TIMP3: variants seen among roughly 807,000 people sequenced by gnomAD.
TIMP3 encodes TIMP metallopeptidase inhibitor 3.
TIMP3 carries 11 observed loss-of-function variants against 30.0 expected under a neutral mutation model. That is an observed-to-expected ratio of 0.37 (90% CI 0.23 to 0.61). The LOEUF is 0.61. Among genes scored for constraint, TIMP3 ranks in the 20% least tolerant of loss-of-function variants. TIMP3 has a pLI of 0.70. For synonymous variants in TIMP3, 112 were observed against 111.3 expected (o/e 1.01, Z -0.04); for missense variants, 181 against 276.8 (o/e 0.65, Z 2.45).
At chr22:32,840,278 C>T (rs1299575822) in intron 1 of TIMP3, among the ~76,000 whole-genome samples, 7 of 152,214 alleles carry the variant, frequency 4.6e-5, no homozygotes, top group East Asian at 3.9e-4. Context: ...TTTTACTTAA[C>T]GGAAAGAGTT....
chr22:32,826,247 G>A (rs2047408676), intron 1 of TIMP3, among the ~76,000 whole-genome samples: 1 of 152,142 alleles, frequency 6.6e-6, no homozygotes, highest in Non-Finnish European at 1.5e-5. Flanking sequence ...TGGTCAACAT[G>A]GTGAAACTCC....
In TIMP3 at chr22:32,838,263, G is replaced by C. The variant is rs188556175; in HGVS notation, c.122-11189G>C. 5.8e-4 allele frequency among the ~76,000 whole-genome samples: 88 copies of C among 152,192 alleles called. 1 individual carries two copies. The East Asian group carries it at 0.014, about 24-fold the overall frequency. On this transcript the variant is annotated intron_variant, in intron 1 of 4. Transcript: ENST00000266085. Reference sequence around the variant, plus strand: ...AGTGGACTTGAGGAGAAGGAGGGGGGGTGGCAAAATAAAACAAACAATAAA... The same window carrying C: ...AGTGGACTTGAGGAGAAGGAGGGGGCGTGGCAAAATAAAACAAACAATAAA...
At chr22:32,835,269 A>G (rs573686645) in intron 1 of TIMP3, among the ~76,000 whole-genome samples, 7 of 152,306 alleles carry the variant, frequency 4.6e-5, no homozygotes, top group African/African-American at 1.7e-4. Context: ...AGCACCTACT[A>G]TGTTCCAGAC....
chr22:32,856,064 A>G (rs2048354701), intron 2 of TIMP3, among the ~76,000 whole-genome samples: 1 of 152,232 alleles, frequency 6.6e-6, no homozygotes, highest in South Asian at 2.1e-4. Flanking sequence ...ATTTCTATAA[A>G]GTGGGGTTTG....
intron 1 of TIMP3, among the ~76,000 whole-genome samples, chr22:32,839,910 G>A (rs999845023): frequency 6.6e-6 from 1 of 151,908 alleles, no homozygotes; most frequent in African/African-American, 2.4e-5. Context: ...GTCAGCAGGG[G>A]CCCTGAGTTT....
intron 1 of TIMP3, among the ~76,000 whole-genome samples, chr22:32,830,620 G>A (rs2047544132): frequency 6.6e-6 from 1 of 152,174 alleles, no homozygotes; most frequent in African/African-American, 2.4e-5. Flanking sequence ...GCGAGTTAAA[G>A]GAATTCTCGT....
intron 2 of TIMP3, among the ~76,000 whole-genome samples, chr22:32,852,843 A>G (rs915604582): frequency 1.3e-5 from 2 of 152,300 alleles, no homozygotes; most frequent in East Asian, 1.9e-4. Flanking sequence ...AAGTTTCCAG[A>G]ACTGGCTGCT....
In TIMP3 at chr22:32,818,164, C is replaced by G. The variant is rs1431187967; in HGVS notation, c.121+16042C>G. Among the ~76,000 whole-genome samples the G allele has an allele frequency of 2.6e-5, 4 of 152,216 alleles. No individual in the cohort carries two copies. In the East Asian group the frequency reaches 7.7e-4, roughly 29 times the overall value. Reference sequence around the variant, plus strand: ...TGAAATTGTCTGAAAATTAATGGCACTGCCAGTTCAGTGGCTGCTCAGAGC... The same window carrying G: ...TGAAATTGTCTGAAAATTAATGGCAGTGCCAGTTCAGTGGCTGCTCAGAGC... On this transcript the variant is annotated intron_variant, in intron 1 of 4. Coordinates refer to ENST00000266085, the MANE Select transcript of TIMP3 (RefSeq NM_000362.5).
rs1410960127 is a variant in TIMP3 at position 32,837,388 on chromosome 22, C to T, written c.122-12064C>T. On this transcript the variant is annotated intron_variant, in intron 1 of 4. Transcript: ENST00000266085. This position sits in a 1 kb window ranked among gnomAD's most constrained non-coding sequence, Gnocchi z 4.1. ...GCAGTAAGCAAGTCGGCGCCTCTGA[C>T]CCCTGAGTGGGCTTGAGCTTTTGAG... Among the ~76,000 whole-genome samples, 1 of 145,734 alleles carries T rather than the reference C, an allele frequency of 6.9e-6. No individual in the cohort carries two copies. The highest frequency in any genetic ancestry group is 2.7e-5 in the African/African-American group (1 of 37,202).
intron 1 of TIMP3, among the ~76,000 whole-genome samples, chr22:32,829,687 G>A (rs576669911): frequency 2.6e-5 from 4 of 152,358 alleles, no homozygotes; most frequent in East Asian, 3.9e-4. Flanking sequence ...GCCGGTCCCC[G>A]GGCACTGACC....
chr22:32,862,177 C>T lies in TIMP3; in HGVS notation c.*2800C>T, dbSNP rs569575596. 1.2e-4 allele frequency: 19 copies of T among 152,430 alleles called. 1 individual carries two copies. In the South Asian group the frequency reaches 3.9e-3, roughly 32 times the overall value. 9.4% of individuals were successfully genotyped at this position (152,430 alleles called of 1,614,324 possible). On this transcript the variant is annotated 3_prime_UTR_variant, in exon 5 of 5. Transcript: ENST00000266085. ...GTCTACCATTTACTTCACCCCAAGT[C>T]CTGCTGCCCATCCAGTTGGGAAGCC...
At chr22:32,838,195 A>C (rs949759859) in intron 1 of TIMP3, among the ~76,000 whole-genome samples, 2 of 152,232 alleles carry the variant, frequency 1.3e-5, no homozygotes, top group African/African-American at 4.8e-5. Context: ...AGTTCCTCAA[A>C]TACTTCTGAA....
rs2048475705 is a variant in TIMP3, at chr22:32,859,472, T to A, written c.*95T>A. 7.0e-7 allele frequency: 1 copy of A among 1,435,744 alleles called. No homozygotes were observed. The highest frequency in any genetic ancestry group is 1.4e-5 in the African/African-American group (1 of 70,512). The allele number at this position is 1,435,744 out of a possible 1,614,324, so 88.9% of individuals were successfully genotyped here. The stretch of plus-strand genomic sequence containing the variant: ...AGATGATGACAATGAAATTAGTGCC[T>A]GTTTTCTTGCAAATTTAGCACTTGG... On this transcript the variant is annotated 3_prime_UTR_variant, in exon 5 of 5. Transcript: ENST00000266085.
chr22:32,811,428 C>T (rs1261740681), intron 1 of TIMP3, among the ~76,000 whole-genome samples: 2 of 152,108 alleles, frequency 1.3e-5, no homozygotes, highest in Non-Finnish European at 2.9e-5. Context: ...ACTTCACTTT[C>T]GGTGAGGAAA....
chr22:32,853,010 T>TG (rs2048266229), intron 2 of TIMP3, among the ~76,000 whole-genome samples: 1 of 152,204 alleles, frequency 6.6e-6, no homozygotes, highest in African/African-American at 2.4e-5. Flanking sequence ...GAGGGTCCCA[T>TG]GGGGAGACCC....
chr22:32,850,759 T>G (rs1383786468), intron 2 of TIMP3, among the ~76,000 whole-genome samples: 1 of 152,046 alleles, frequency 6.6e-6, no homozygotes, highest in Non-Finnish European at 1.5e-5. Context: ...AGTGACTTGG[T>G]GAATGCTTAT....
chr22:32,833,850 C>G (rs1601490908), intron 1 of TIMP3: 2 of 501,182 alleles, frequency 4.0e-6, no homozygotes, highest in East Asian at 1.3e-4. Flanking sequence ...TAGCACTGAT[C>G]ATGCATGGAA....
chr22:32,820,483 G>A (rs1010249061), intron 1 of TIMP3, among the ~76,000 whole-genome samples: 1 of 152,150 alleles, frequency 6.6e-6, no homozygotes, highest in East Asian at 1.9e-4. Flanking sequence ...CCTGAAAGCC[G>A]TAACTCCCCG....
intron 1 of TIMP3, among the ~76,000 whole-genome samples, chr22:32,844,176 G>A (rs151118598): frequency 8.7e-4 from 133 of 152,278 alleles, no homozygotes; most frequent in Non-Finnish European, 1.4e-3. Context: ...GGGGAAGAAG[G>A]GTCTGGATTT....
Sources: gnomAD v4.1 joint callset for allele counts (sites outside exome capture counted in the v4.1 genomes callset) on GRCh38, gnomAD v4.1.1 for gene constraint, Gnocchi (gnomAD v3.1) non-coding constraint, MANE v1.5 for transcripts, NCBI Gene and HGNC (gene_info 2026-07-23, HGNC 2026-07-21) for gene names.